The following RP9 variants were observed in gnomAD, a reference collection of about 807,000 sequenced individuals.
The protein encoded by RP9 is retinitis pigmentosa 9 protein.
Under a neutral mutation model 32.6 loss-of-function variants are expected in RP9, and 23 were observed. The ratio of observed to expected loss-of-function variants is 0.71; its 90% confidence interval spans 0.51 to 1.00. The LOEUF (loss-of-function observed/expected upper bound fraction) is 1.00. Ranked by LOEUF, RP9 falls within the 50% of genes least tolerant of loss-of-function variation. The pLI is 0.00. For synonymous variants in RP9, 94 were observed against 103.6 expected (o/e 0.91, Z 0.56); for missense variants, 245 against 285.3 (o/e 0.86, Z 1.02).
chr7:33,096,994 T>C (rs1396563869), intron 4 of RP9, among the ~76,000 whole-genome samples: 1 of 152,200 alleles, frequency 6.6e-6, no homozygotes, highest in African/African-American at 2.4e-5. Flanking sequence ...TTTTAAAAAG[T>C]GCGGTTGAAT....
chr7:33,099,259 A>G (rs1788389778), intron 3 of RP9, 48 bp downstream of exon 3: 1 of 1,603,618 alleles, frequency 6.2e-7, no homozygotes, highest in Middle Eastern at 2.2e-4. Context: ...CTCTTTGTAA[A>G]TTGAGGCATG....
chr7:33,107,186 A>G (rs1417097115), intron 1 of RP9, among the ~76,000 whole-genome samples: 6 of 152,202 alleles, frequency 3.9e-5, no homozygotes, highest in Non-Finnish European at 5.9e-5. Context: ...GGCCAAAGCA[A>G]ATGTCTCAAC....
rs1359599788 is a variant in RP9 at position 33,109,276 on chromosome 7, T to TCTGCTCCCGACGTCGCTGCAGCTC, written c.73_96dup (p.Glu25_Gln32dup). The TCTGCTCCCGACGTCGCTGCAGCTC allele has an allele frequency of 1.3e-6, 2 of 1,491,190 alleles. No individual in the cohort carries two copies. Among genetic ancestry groups the TCTGCTCCCGACGTCGCTGCAGCTC allele is most frequent in the African/African-American group, 2.9e-5 (2 of 68,222 alleles). The allele number at this position is 1,491,190 out of a possible 1,614,324, so 92.4% of individuals were successfully genotyped here. On this transcript the variant is annotated inframe_insertion, in exon 1 of 6. Transcript: ENST00000297157. This position sits in a 1 kb window ranked among gnomAD's most constrained non-coding sequence, Gnocchi z 4.9. ...TGCTGCGCGTCGTGTCGCCGCCGCT[T>TCTGCTCCCGACGTCGCTGCAGCTC]CTGCTCCCGACGTCGCTGCAGCTCC...
chr7:33,102,909 G>A (rs1788448898), intron 1 of RP9, among the ~76,000 whole-genome samples: 1 of 152,226 alleles, frequency 6.6e-6, no homozygotes, highest in Admixed American at 6.5e-5. Context: ...CAGGGTCACC[G>A]AGGGAAAACT....
chr7:33,105,077 T>C (rs1788478869), intron 1 of RP9, among the ~76,000 whole-genome samples: 1 of 152,066 alleles, frequency 6.6e-6, no homozygotes, highest in African/African-American at 2.4e-5. Context: ...AATCCAGGAA[T>C]GAGATGCAAG....
rs1361076660 is a variant in RP9, at chr7:33,097,356, C to T, written c.320G>A (p.Arg107His). 3.1e-6 allele frequency: 5 copies of T among 1,612,108 alleles called. No homozygotes were observed. Among genetic ancestry groups the T allele is most frequent in the Admixed American group, 1.7e-5 (1 of 59,980 alleles). ...CGTTCGGTGACCATAGCGTTTGCAA[C>T]GCCAACCTAAAAACGAAAAGAGAAA... ...GKEVKVMQCW[R>H]CKRYGHRTGD... Residue 107 changes from arginine to histidine, a missense_variant, in exon 4 of 6, where the codon CGT becomes CAT. By Grantham distance (29) the Arg-to-His change is conservative. Transcript: ENST00000297157.
chr7:33,108,876 T>C (rs1405750367), intron 1 of RP9, among the ~76,000 whole-genome samples: 2 of 152,226 alleles, frequency 1.3e-5, no homozygotes, highest in Admixed American at 6.5e-5. Flanking sequence ...GGAAACCATA[T>C]TTCCTTCCCC....
chr7:33,105,082 T>C (rs191702589), intron 1 of RP9, among the ~76,000 whole-genome samples: 256 of 152,256 alleles, frequency 1.7e-3, no homozygotes, highest in Non-Finnish European at 2.8e-3. Context: ...AGGAATGAGA[T>C]GCAAGATAGG....
intron 1 of RP9, among the ~76,000 whole-genome samples, chr7:33,105,956 T>C (rs894370906): frequency 6.6e-6 from 1 of 152,198 alleles, no homozygotes; most frequent in Admixed American, 6.5e-5. Context: ...CTGTGACTCC[T>C]ATGATAGGTA....
chr7:33,096,251 T>A (rs1788332797), intron 5 of RP9, among the ~76,000 whole-genome samples: 3 of 152,334 alleles, frequency 2.0e-5, no homozygotes, highest in African/African-American at 7.2e-5. Context: ...GTTGCCAACA[T>A]CAACTGCAGT....
intron 1 of RP9, among the ~76,000 whole-genome samples, chr7:33,108,739 G>T (rs1317572947): frequency 6.6e-6 from 1 of 152,106 alleles, no homozygotes; most frequent in African/African-American, 2.4e-5. Context: ...CTATTCCCTG[G>T]CCCTTCTTTG....
intron 1 of RP9, among the ~76,000 whole-genome samples, chr7:33,108,446 A>C (rs574663393): frequency 6.6e-6 from 1 of 152,382 alleles, no homozygotes; most frequent in East Asian, 1.9e-4. Context: ...CAAACAACAC[A>C]GGATAACTTA....
chr7:33,095,677 A>G (rs1001956091), intron 5 of RP9, among the ~76,000 whole-genome samples: 3 of 152,226 alleles, frequency 2.0e-5, no homozygotes, highest in Non-Finnish European at 2.9e-5. Context: ...ATGTTTCCAC[A>G]GTCCTTACAA....
intron 1 of RP9, among the ~76,000 whole-genome samples, chr7:33,103,371 C>T (rs1788455368): frequency 6.6e-6 from 1 of 152,246 alleles, no homozygotes; most frequent in South Asian, 2.1e-4. Context: ...AAATCTCCAA[C>T]TACTGACATT....
chr7:33,102,291 C>T (rs1341099433), intron 1 of RP9, among the ~76,000 whole-genome samples: 1 of 152,146 alleles, frequency 6.6e-6, no homozygotes, highest in East Asian at 1.9e-4. Context: ...TGTTCACGCA[C>T]AGTTTAGGTT....
At chr7:33,095,927 G>A (rs1788325898) in intron 5 of RP9, among the ~76,000 whole-genome samples, 1 of 151,984 alleles carries the variant, frequency 6.6e-6, no homozygotes, top group African/African-American at 2.4e-5. Context: ...AACCTACTGG[G>A]GTCAAGTAGA....
In RP9 at chr7:33,108,403, A is replaced by G. The variant is rs181887705; in HGVS notation, c.152+818T>C. ...CCATCCCCAAACATGCCACCCTGGCATATTGATGACTTTGAGCTATAAGTA... is the reference window on the plus strand; with the variant it reads ...CCATCCCCAAACATGCCACCCTGGCGTATTGATGACTTTGAGCTATAAGTA... On this transcript the variant is annotated intron_variant, in intron 1 of 5. Coordinates refer to ENST00000297157, the MANE Select transcript of RP9 (RefSeq NM_203288.2). Among the ~76,000 whole-genome samples the G allele has an allele frequency of 2.3e-3, 356 of 152,380 alleles. 2 individuals are homozygous for G. The highest frequency in any genetic ancestry group is 0.017 in the Middle Eastern group (5 of 294).
intron 1 of RP9, among the ~76,000 whole-genome samples, chr7:33,104,661 T>G (rs10281469): frequency 0.51 from 77,646 of 152,028 alleles, 20,233 homozygotes; most frequent in African/African-American, 0.61. Flanking sequence ...TCGCCAAAAC[T>G]GAGTGAAAAT....
Position 33,109,356 on chromosome 7 carries a change from C to A in RP9, c.17G>T (p.Gly6Val), listed in dbSNP as rs1242766014. The A allele has an allele frequency of 7.0e-7, 1 of 1,431,010 alleles. No homozygotes were observed. Among genetic ancestry groups the A allele is most frequent in the East Asian group, 3.2e-5 (1 of 31,156 alleles). 88.6% of individuals were successfully genotyped at this position (1,431,010 alleles called of 1,614,324 possible). MSSRP[G>V]REDVGAAGAR... ...GCCCGCAGCCCCCACGTCCTCGCGC[C>A]CAGGCCGGGACGACATGTCAGCCCC... The change falls in exon 1 of 6, where the codon GGG becomes GTG. Residue 6 changes from glycine to valine, a missense_variant. Physicochemically the swap from Gly to Val is moderately radical, Grantham distance 109. This residue lies in a region of RP9 where 182 missense variants were observed against 175.5 expected (regional missense o/e 1.04). Transcript: ENST00000297157. This position sits in a 1 kb window ranked among gnomAD's most constrained non-coding sequence, Gnocchi z 4.9.
Sources: gnomAD v4.1 joint callset for allele counts (sites outside exome capture counted in the v4.1 genomes callset) on GRCh38, gnomAD v4.1.1 for gene constraint, gnomAD v4.1.1 regional missense constraint, Gnocchi (gnomAD v3.1) non-coding constraint, MANE v1.5 for transcripts, NCBI Gene and HGNC (gene_info 2026-07-23, HGNC 2026-07-21) for gene names.